The following CSMD1 variants were observed in gnomAD, a reference collection of about 807,000 sequenced individuals.
CSMD1 encodes CUB and sushi domain-containing protein 1.
A neutral mutation model predicts 417.5 loss-of-function variants in CSMD1; 213 were observed. The ratio of observed to expected loss-of-function variants is 0.51; its 90% CI spans 0.46 to 0.57. The LOEUF is 0.57. CSMD1 is among the 20% of genes least tolerant of loss of function. The pLI is 0.00. For synonymous variants in CSMD1, 2,862 were observed against 1,736.8 expected (o/e 1.65, Z -16.11); for missense variants, 6,923 against 4,529.7 (o/e 1.53, Z -15.17).
At chr8:3,320,241 C>G (rs1001045415) in intron 23 of CSMD1, among the ~76,000 whole-genome samples, 1 of 152,090 alleles carries the variant, frequency 6.6e-6, no homozygotes, top group Admixed American at 6.6e-5. Context: ...TGGAGAGGGA[C>G]GGAGGATGAG....
chr8:3,287,104 T>A (rs1275712451), intron 25 of CSMD1, among the ~76,000 whole-genome samples: 1 of 152,026 alleles, frequency 6.6e-6, no homozygotes, highest in Non-Finnish European at 1.5e-5. Context: ...TGCTTGTTTT[T>A]ATCAGGTTTG....
chr8:4,891,302 C>G (rs1271427597), intron 1 of CSMD1, among the ~76,000 whole-genome samples: 1 of 152,140 alleles, frequency 6.6e-6, no homozygotes, highest in Non-Finnish European at 1.5e-5. Context: ...AGTGAAGACA[C>G]TAAGCTAACA....
intron 5 of CSMD1, among the ~76,000 whole-genome samples, chr8:3,949,298 C>G (rs1038441755): frequency 2.4e-4 from 36 of 152,062 alleles, no homozygotes; most frequent in African/African-American, 8.7e-4. Flanking sequence ...AGCTCTTAAA[C>G]TTTCTCATCC....
chr8:3,006,295 A>T (rs1434036636), intron 52 of CSMD1, among the ~76,000 whole-genome samples: 2 of 151,586 alleles, frequency 1.3e-5, no homozygotes, highest in African/African-American at 2.4e-5. Flanking sequence ...ACGGAAGAAC[A>T]TTCCATGCTC....
At chr8:4,302,011 T>C (rs1276804838) in intron 3 of CSMD1, among the ~76,000 whole-genome samples, 2 of 152,222 alleles carry the variant, frequency 1.3e-5, no homozygotes, top group South Asian at 2.1e-4. Context: ...TTAATATGAG[T>C]TTATTTTGGT....
At chr8:3,460,518 A>G (rs1205507840) in intron 12 of CSMD1, among the ~76,000 whole-genome samples, 1 of 152,082 alleles carries the variant, frequency 6.6e-6, no homozygotes, top group East Asian at 1.9e-4. Flanking sequence ...GCAAAATAGA[A>G]GAGTTTAGTA....
At chr8:4,223,731 T>C (rs1227446537) in intron 3 of CSMD1, among the ~76,000 whole-genome samples, 1 of 152,186 alleles carries the variant, frequency 6.6e-6, no homozygotes, top group African/African-American at 2.4e-5. Flanking sequence ...AATGAGGAAT[T>C]TGGGTCAGAT....
At chr8:4,182,263 C>A (rs527526606) in intron 3 of CSMD1, among the ~76,000 whole-genome samples, 9 of 152,144 alleles carry the variant, frequency 5.9e-5, no homozygotes, top group African/African-American at 1.7e-4. Context: ...TCTAGATTAT[C>A]GTTTGCATGA....
intron 1 of CSMD1, among the ~76,000 whole-genome samples, chr8:4,657,944 T>A (rs1804348459): frequency 6.6e-6 from 1 of 151,756 alleles, no homozygotes; most frequent in Admixed American, 6.6e-5. Flanking sequence ...TAACTGATGC[T>A]ATAAACTCAT....
chr8:3,524,042 C>A (rs1417190595), intron 10 of CSMD1, among the ~76,000 whole-genome samples: 3 of 149,074 alleles, frequency 2.0e-5, no homozygotes. Flanking sequence ...CATGCACACC[C>A]AGAGACACGT....
chr8:3,991,529 A>G (rs1029622746), intron 5 of CSMD1, among the ~76,000 whole-genome samples: 1 of 152,218 alleles, frequency 6.6e-6, no homozygotes, highest in African/African-American at 2.4e-5. Context: ...GTATGCTAAG[A>G]TGATTACATT....
intron 4 of CSMD1, among the ~76,000 whole-genome samples, chr8:4,011,279 A>G (rs1816514600): frequency 6.6e-6 from 1 of 152,116 alleles, no homozygotes. Flanking sequence ...CAAAACGACT[A>G]TTTGTGTTTT....
chr8:3,125,091 G>A (rs533913606), intron 41 of CSMD1, among the ~76,000 whole-genome samples: 1 of 152,188 alleles, frequency 6.6e-6, no homozygotes, highest in South Asian at 2.1e-4. Context: ...TTCCAAACTT[G>A]GATTCACTGT....
At chr8:4,177,478 G>A (rs1477502784) in intron 3 of CSMD1, among the ~76,000 whole-genome samples, 2 of 151,980 alleles carry the variant, frequency 1.3e-5, no homozygotes, top group South Asian at 2.1e-4. Flanking sequence ...AGAGAAAGTA[G>A]GAAAGATCCA....
intron 9 of CSMD1, among the ~76,000 whole-genome samples, chr8:3,582,257 C>T (rs754503796): frequency 2.6e-5 from 4 of 152,074 alleles, no homozygotes; most frequent in Non-Finnish European, 5.9e-5. Context: ...AGATATATAA[C>T]GTTATCTTTT....
chr8:4,762,789 C>T (rs1289549528), intron 1 of CSMD1, among the ~76,000 whole-genome samples: 1 of 151,930 alleles, frequency 6.6e-6, no homozygotes, highest in South Asian at 2.1e-4. Flanking sequence ...TGAAATGAGG[C>T]CAAAAAAATG....
intron 3 of CSMD1, among the ~76,000 whole-genome samples, chr8:4,265,150 T>G (rs924714001): frequency 5.9e-5 from 9 of 152,170 alleles, no homozygotes; most frequent in Non-Finnish European, 8.8e-5. Context: ...CCTCGACTAT[T>G]ATTAGTAAAA....
intron 1 of CSMD1, among the ~76,000 whole-genome samples, chr8:4,770,065 G>A (rs1445634240): frequency 6.6e-6 from 1 of 151,672 alleles, no homozygotes; most frequent in Non-Finnish European, 1.5e-5. Flanking sequence ...AATCACAGAG[G>A]ACACAAATGC....
At chr8:3,348,557 C>CA (rs1808170039) in intron 21 of CSMD1, among the ~76,000 whole-genome samples, 1 of 152,192 alleles carries the variant, frequency 6.6e-6, no homozygotes, top group East Asian at 1.9e-4. Context: ...CGCTCCCATT[C>CA]TACCATTGTT....
Sources: allele counts gnomAD v4.1 joint callset (sites outside exome capture counted in the v4.1 genomes callset), GRCh38; gene constraint gnomAD v4.1.1; transcripts MANE v1.5; gene names NCBI Gene and HGNC (gene_info 2026-07-23, HGNC 2026-07-21).